CASP6: variants seen among roughly 807,000 people sequenced by gnomAD.
CASP6 encodes the protein caspase-6.
Under a neutral mutation model 31.8 loss-of-function variants are expected in CASP6, and 20 were observed. The observed-to-expected ratio is 0.63, with a 90% CI of 0.44 to 0.91. CASP6 has a LOEUF of 0.91. Among genes scored for constraint, CASP6 ranks in the 40% least tolerant of loss-of-function variants. CASP6 has a pLI of 0.00. For missense variants in CASP6, 328 were observed against 361.1 expected (o/e 0.91, Z 0.74); for synonymous variants, 130 against 127.8 (o/e 1.02, Z -0.12).
At chr4:109,676,153 A>G in the CASP6 span, among the ~76,000 whole-genome samples, 1 of 152,152 alleles carries the variant, frequency 6.6e-6, no homozygotes, top group African/African-American at 2.4e-5. Context: ...GTTAAGGACA[A>G]TTCTGGTCAG....
At chr4:109,687,197 A>C (rs964946616), downstream of CASP6, among the ~76,000 whole-genome samples, 2 of 152,112 alleles carry the variant, frequency 1.3e-5, no homozygotes, top group Non-Finnish European at 2.9e-5. Context: ...TCTACAAAAA[A>C]TACCAAAAAA....
At chr4:109,705,686 A>G (rs1730578278), upstream of CASP6, among the ~76,000 whole-genome samples, 1 of 152,024 alleles carries the variant, frequency 6.6e-6, no homozygotes, top group African/African-American at 2.4e-5. Flanking sequence ...CGAAAAATTA[A>G]AAGTACATGT....
At chr4:109,678,868 C>T in the CASP6 span, among the ~76,000 whole-genome samples, 36,888 of 140,484 alleles carry the variant, frequency 0.26, 5,378 homozygotes, top group East Asian at 0.44. Context: ...ATGGGGCGGC[C>T]GGGCAGAGAC....
At chr4:109,667,143 A>G in the CASP6 span, among the ~76,000 whole-genome samples, 5 of 152,106 alleles carry the variant, frequency 3.3e-5, no homozygotes, top group Non-Finnish European at 7.4e-5. Flanking sequence ...TGTCTTCTGA[A>G]AGAGATTGTA....
intron 1 of CASP6, among the ~76,000 whole-genome samples, chr4:109,700,636 G>GA (rs1730392144): frequency 6.6e-6 from 1 of 151,956 alleles, no homozygotes; most frequent in Non-Finnish European, 1.5e-5. Context: ...TACGGATGTA[G>GA]AAAAAAACCT....
the CASP6 span, chr4:109,664,410 A>T: frequency 1.0e-6 from 1 of 956,630 alleles, no homozygotes; most frequent in Non-Finnish European, 1.6e-6. Context: ...AAACACAGCT[A>T]TCCAACTATT....
At chr4:109,684,494 T>G, downstream of CASP6, 1 of 1,613,958 alleles carries the variant, frequency 6.2e-7, no homozygotes, top group South Asian at 1.1e-5. Context: ...TGGACTCCTG[T>G]GGGCTGGATT....
upstream of CASP6, chr4:109,703,588 C>T: frequency 1.5e-6 from 1 of 669,888 alleles, no homozygotes; most frequent in Non-Finnish European, 2.4e-6. Context: ...AAAGCTCCTC[C>T]CAGTCGCTCC....
At chr4:109,668,646 T>C in the CASP6 span, among the ~76,000 whole-genome samples, 1 of 152,052 alleles carries the variant, frequency 6.6e-6, no homozygotes, top group African/African-American at 2.4e-5. Context: ...AATTGATTAC[T>C]GATATACATA....
chr4:109,690,931 T>TG lies in CASP6; in HGVS notation c.561dup (p.Asn188GlnfsTer4). On this transcript the variant is annotated frameshift_variant, in exon 6 of 7. Transcript: ENST00000265164. LOFTEE classifies it high-confidence loss of function. ...GAGGCTGCATCCACCTCAGTTATGT[T>TG]GGTGTCCAACTTCTCTGTCTGATTA... The TG allele has an allele frequency of 6.2e-7, 1 of 1,613,894 alleles. No individual in the cohort carries two copies. Among genetic ancestry groups the TG allele is most frequent in the African/African-American group, 1.3e-5 (1 of 75,040 alleles).
At chr4:109,697,311 G>T (rs1345567549) in intron 3 of CASP6, among the ~76,000 whole-genome samples, 1 of 151,942 alleles carries the variant, frequency 6.6e-6, no homozygotes, top group Admixed American at 6.6e-5. Flanking sequence ...TCACTCTGTT[G>T]CCCAGCCTGG....
chr4:109,699,040 CAT>C (rs1438507569), intron 1 of CASP6, among the ~76,000 whole-genome samples: 1 of 152,202 alleles, frequency 6.6e-6, no homozygotes, highest in Non-Finnish European at 1.5e-5. Flanking sequence ...CCACTGGCCA[CAT>C]GTGTCTACTG....
At chr4:109,672,086 A>T in the CASP6 span, among the ~76,000 whole-genome samples, 6 of 151,840 alleles carry the variant, frequency 4.0e-5, no homozygotes, top group African/African-American at 1.4e-4. Flanking sequence ...AAATATATAT[A>T]TATTTTTAAT....
chr4:109,709,686 T>C, the CASP6 span, among the ~76,000 whole-genome samples: 2 of 152,228 alleles, frequency 1.3e-5, no homozygotes, highest in East Asian at 3.8e-4. Flanking sequence ...ACTGAAGGTC[T>C]TGGCTTGTCA....
At chr4:109,670,693 G>A in the CASP6 span, among the ~76,000 whole-genome samples, 1 of 151,378 alleles carries the variant, frequency 6.6e-6, no homozygotes, top group Non-Finnish European at 1.5e-5. Flanking sequence ...TCCAGCCTGG[G>A]CAACAGAGCG....
chr4:109,679,787 T>TTTGTTGTTGTTG, the CASP6 span, among the ~76,000 whole-genome samples: 32 of 151,674 alleles, frequency 2.1e-4, no homozygotes, highest in African/African-American at 7.8e-4. Context: ...GAGGTATAAT[T>TTTGTTGTTGTTG]TTGTTGTTGT....
rs1729963863 is a variant in CASP6, at chr4:109,689,492, G to A, written c.720C>T (p.Gly240=). The change falls in exon 7 of 7, where the codon GGC becomes GGT. Residue 240 remains glycine, a synonymous_variant. Coordinates refer to ENST00000265164, the MANE Select transcript of CASP6 (RefSeq NM_001226.4). ...GGAGTTCTGTGAACTCTAAGGAGGAGCCATATTTTCCCAACATCTCACACA... is the reference window on the plus strand; with the variant it reads ...GGAGTTCTGTGAACTCTAAGGAGGAACCATATTTTCCCAACATCTCACACA... The part of the protein sequence containing the change: ...QDLCEMLGKY[G]SSLEFTELLT... 1 of 1,614,040 alleles carries A rather than the reference G, an allele frequency of 6.2e-7. No homozygotes were observed. Among genetic ancestry groups the A allele is most frequent in the African/African-American group, 1.3e-5 (1 of 74,910 alleles).
At chr4:109,706,131 TTATATATATATATATATATATA>T (rs58847180), upstream of CASP6, among the ~76,000 whole-genome samples, 203 of 36,100 alleles carry the variant, frequency 5.6e-3, 3 homozygotes, top group Non-Finnish European at 6.6e-3. Context: ...CCTATCCATT[TTATATATATATATATATATATA>T]TATATATATA....
chr4:109,703,381 C>A lies in CASP6; in HGVS notation c.15G>T (p.Ser5=). 1 of 1,611,746 alleles carries A rather than the reference C, an allele frequency of 6.2e-7. No homozygotes were observed. Among genetic ancestry groups the A allele is most frequent in the Non-Finnish European group, 8.5e-7 (1 of 1,179,256 alleles). Residue 5 remains serine, a synonymous_variant, in exon 1 of 7, where the codon TCG becomes TCT. Transcript: ENST00000265164. ...CTGCCGGGTGCCCCCTGCGGAGCCC[C>A]GAGGCCGAGCTCATTGCAGCCAAAC... MSSA[S]GLRRGHPAGG...
Sources: allele counts gnomAD v4.1 joint callset (sites outside exome capture counted in the v4.1 genomes callset), GRCh38; gene constraint gnomAD v4.1.1; transcripts MANE v1.5; gene names NCBI Gene and HGNC (gene_info 2026-07-23, HGNC 2026-07-21).